DPYSL2: variants seen among roughly 807,000 people sequenced by gnomAD.
The protein encoded by DPYSL2 is dihydropyrimidinase like 2.
A neutral mutation model predicts 69.9 loss-of-function variants in DPYSL2; 13 were observed. The observed-to-expected ratio is 0.19, with a 90% CI of 0.12 to 0.30. The LOEUF (loss-of-function observed/expected upper bound fraction) is 0.30, where lower values mean the gene tolerates loss of function less well. Ranked by LOEUF, DPYSL2 falls within the 10% of genes least tolerant of loss-of-function variation. The probability of loss-of-function intolerance (pLI) is 1.00; values close to 1 mark genes in which losing one functional copy is unlikely to be tolerated. For missense variants in DPYSL2, 587 were observed against 918.9 expected, an observed-to-expected ratio of 0.64 and a Z score of 4.67; for synonymous variants, 326 against 359.1, an observed-to-expected ratio of 0.91 and a Z score of 1.04.
rs752525567 is a variant in DPYSL2, at chr8:26,627,178, G to T, written c.856-37G>T. 1.9e-6 allele frequency: 3 copies of T among 1,582,236 alleles called. No homozygotes were observed. The highest frequency in any genetic ancestry group is 1.7e-6 in the Non-Finnish European group (2 of 1,151,106). On this transcript the variant is annotated intron_variant, in intron 5 of 13. Coordinates refer to ENST00000521913, the MANE Select transcript of DPYSL2 (RefSeq NM_001197293.3). This position sits in a 1 kb window ranked among gnomAD's most constrained non-coding sequence, Gnocchi z 6.9. The stretch of plus-strand genomic sequence containing the variant: ...TGTCTTTGTGAACAGGAAGATGGAA[G>T]TCCCTGTCTCTGATCCCACCCTTGT...
At position 26,644,080 on chromosome 8, in the gene DPYSL2, G is replaced by A; in HGVS notation, c.1414G>A (p.Asp472Asn). The A allele has an allele frequency of 1.2e-6, 2 of 1,614,136 alleles. No homozygotes were observed. The highest frequency in any genetic ancestry group is 1.7e-6 in the Non-Finnish European group (2 of 1,179,990). The stretch of plus-strand genomic sequence containing the variant: ...TGAGGAGCGGATGTCCGTCATCTGG[G>A]ACAAGGCTGTGGTAAGGAGCGATGG... ...GTEERMSVIW[D>N]KAVVTGKMDE... The change falls in exon 10 of 14, where the codon GAC (aspartate) becomes AAC (asparagine). Residue 472 changes from aspartate (D) to asparagine (N), a missense_variant. Physicochemically the swap from Asp to Asn is conservative, Grantham distance 23 (BLOSUM62 1). This residue lies in a region of DPYSL2 where 452 missense variants were observed against 754.3 expected (regional missense o/e 0.60). Transcript: ENST00000521913. This position sits in a 1 kb window ranked among gnomAD's most constrained non-coding sequence, Gnocchi z 4.5.
rs1348769920 is a variant in DPYSL2 at position 26,640,232 on chromosome 8, G to A, written c.1127-3207G>A. On this transcript the variant is annotated intron_variant, in intron 8 of 13. Coordinates refer to ENST00000521913, the MANE Select transcript of DPYSL2 (RefSeq NM_001197293.3). The surrounding 1 kb of genome is among the most constrained non-coding windows in gnomAD (Gnocchi z 4.2). ...CCATTTATTCTTCATGAATGCACAC[G>A]GGCCCCAGACTGGTTGTAAATAAGC... 1.3e-5 allele frequency among the ~76,000 whole-genome samples: 2 copies of A among 152,124 alleles called. No individual in the cohort carries two copies. The highest frequency in any genetic ancestry group is 2.1e-4 in the South Asian group (1 of 4,830).
At chr8:26,572,651 T>C (rs1305791209) in intron 1 of DPYSL2, among the ~76,000 whole-genome samples, 1 of 151,990 alleles carries the variant, frequency 6.6e-6, no homozygotes, top group Non-Finnish European at 1.5e-5. Context: ...AGGCGTCCCC[T>C]ACCACGCCCA....
At position 26,585,496 on chromosome 8, in the gene DPYSL2, C is replaced by A. The variant is rs1038063509; in HGVS notation, c.628+1513C>A. On this transcript the variant is annotated intron_variant, in intron 3 of 13. Transcript: ENST00000521913. The surrounding 1 kb of genome is among the most constrained non-coding windows in gnomAD (Gnocchi z 4.0). ...GAAAAGCCTCCAAGTGTAAGCCTTGCGACTTGTGTCTTGCTGTACATGTTG... is the reference window on the plus strand; with the variant it reads ...GAAAAGCCTCCAAGTGTAAGCCTTGAGACTTGTGTCTTGCTGTACATGTTG... 8.5e-5 allele frequency among the ~76,000 whole-genome samples: 13 copies of A among 152,058 alleles called. No individual in the cohort carries two copies. The highest frequency in any genetic ancestry group is 2.7e-4 in the African/African-American group (11 of 41,404).
chr8:26,600,078 A>G (rs1563403894), intron 3 of DPYSL2, among the ~76,000 whole-genome samples: 1 of 152,256 alleles, frequency 6.6e-6, no homozygotes, highest in Non-Finnish European at 1.5e-5. Flanking sequence ...TCCAAGTTGT[A>G]ATATGTATCA....
intron 1 of DPYSL2, among the ~76,000 whole-genome samples, chr8:26,575,690 A>G (rs1801315532): frequency 6.6e-6 from 1 of 152,244 alleles, no homozygotes; most frequent in African/African-American, 2.4e-5. Flanking sequence ...ATTACAAAAC[A>G]AACGATTCTA....
intron 3 of DPYSL2, among the ~76,000 whole-genome samples, chr8:26,622,808 TGATCA>T (rs1802528934): frequency 1.3e-5 from 2 of 152,236 alleles, no homozygotes; most frequent in South Asian, 4.1e-4. Context: ...CAAGCCCAGT[TGATCA>T]GAATTTAGCA....
intron 3 of DPYSL2, among the ~76,000 whole-genome samples, chr8:26,623,420 A>G (rs1339450229): frequency 6.6e-6 from 1 of 152,184 alleles, no homozygotes; most frequent in African/African-American, 2.4e-5. Flanking sequence ...GCTAGGTAAT[A>G]TCCCCGTTTT....
Position 26,564,761 on chromosome 8 carries a change from G to T in DPYSL2, c.355-17208G>T, listed in dbSNP as rs538487059. ...GATCTGTCCCAGTTTCTTTTTAAAA[G>T]AATTTTTTTTTTAAAAAATTTCAAT... On this transcript the variant is annotated intron_variant, in intron 1 of 13. Coordinates refer to ENST00000521913, the MANE Select transcript of DPYSL2 (RefSeq NM_001197293.3). The surrounding 1 kb of genome is among the most constrained non-coding windows in gnomAD (Gnocchi z 4.8). Among the ~76,000 whole-genome samples the T allele has an allele frequency of 2.0e-5, 3 of 151,900 alleles. No homozygotes were observed. The highest frequency in any genetic ancestry group is 1.9e-4 in the East Asian group (1 of 5,188).
Position 26,626,773 on chromosome 8 carries a change from C to CCCAGGAAG in DPYSL2, c.855+96_855+97insCAGGAAGC. 7.6e-7 allele frequency: 1 copy of CCCAGGAAG among 1,310,420 alleles called. No individual in the cohort carries two copies. Among genetic ancestry groups the CCCAGGAAG allele is most frequent in the Non-Finnish European group, 1.1e-6 (1 of 924,140 alleles). The allele number at this position is 1,310,420 out of a possible 1,614,324, so 81.2% of individuals were successfully genotyped here. On this transcript the variant is annotated intron_variant, in intron 5 of 13. Coordinates refer to ENST00000521913, the MANE Select transcript of DPYSL2 (RefSeq NM_001197293.3). The surrounding 1 kb of genome is among the most constrained non-coding windows in gnomAD (Gnocchi z 4.3). Reference sequence around the variant, plus strand: ...AGCAGTCTCCGATGTATGCATGTTTCCTAGCTTCCTGGGAAGTGGCTGGTG... The same window carrying CCCAGGAAG: ...AGCAGTCTCCGATGTATGCATGTTTCCCAGGAAGCTAGCTTCCTGGGAAGTGGCTGGTG...
rs149525532 is a variant in DPYSL2 at position 26,643,492 on chromosome 8, C to A, written c.1180C>A (p.His394Asn). 88 of 1,612,742 alleles carry A rather than the reference C, an allele frequency of 5.5e-5. No homozygotes were observed. Among genetic ancestry groups the A allele is most frequent in the Non-Finnish European group, 7.3e-5 (86 of 1,179,390 alleles). The part of the protein sequence containing the change: ...ITASLGTDGS[H>N]YWSKNWAKAA... ...TGCCAGCTTGGGAACGGACGGCTCC[C>A]ATTACTGGAGCAAGAACTGGGCCAA... The change falls in exon 9 of 14, where the codon CAT becomes AAT. Residue 394 changes from histidine to asparagine, a missense_variant. This residue lies in a region of DPYSL2 where 452 missense variants were observed against 754.3 expected (regional missense o/e 0.60). Transcript: ENST00000521913. The surrounding 1 kb of genome is among the most constrained non-coding windows in gnomAD (Gnocchi z 6.5).
At chr8:26,546,541 A>G (rs1800770971) in intron 1 of DPYSL2, among the ~76,000 whole-genome samples, 1 of 152,168 alleles carries the variant, frequency 6.6e-6, no homozygotes, top group Admixed American at 6.5e-5. Flanking sequence ...ATTGTATGTA[A>G]CATAAATGTT....
chr8:26,600,871 T>G (rs1801975743), intron 3 of DPYSL2, among the ~76,000 whole-genome samples: 2 of 152,234 alleles, frequency 1.3e-5, no homozygotes, highest in African/African-American at 4.8e-5. Flanking sequence ...AAATCCTGTT[T>G]TGCTCCCTTT....
Position 26,582,125 on chromosome 8 carries a change from T to A in DPYSL2, c.443+68T>A. ...CAGACTTCCCAAGTATTAGATACCA[T>A]TCGCATCCAAAGTATCAAACTTCAG... On this transcript the variant is annotated intron_variant, in intron 2 of 13. Coordinates refer to ENST00000521913, the MANE Select transcript of DPYSL2 (RefSeq NM_001197293.3). The surrounding 1 kb of genome is among the most constrained non-coding windows in gnomAD (Gnocchi z 4.1). 1 of 1,273,776 alleles carries A rather than the reference T, an allele frequency of 7.9e-7. No homozygotes were observed. The highest frequency in any genetic ancestry group is 1.1e-6 in the Non-Finnish European group (1 of 883,246). 78.9% of individuals were successfully genotyped at this position (1,273,776 alleles called of 1,614,324 possible).
In DPYSL2 at chr8:26,564,923, C is replaced by A. The variant is rs1801125646; in HGVS notation, c.355-17046C>A. Among the ~76,000 whole-genome samples, 1 of 151,950 alleles carries A rather than the reference C, an allele frequency of 6.6e-6. No homozygotes were observed. Among genetic ancestry groups the A allele is most frequent in the Admixed American group, 6.6e-5 (1 of 15,260 alleles). On this transcript the variant is annotated intron_variant, in intron 1 of 13. Transcript: ENST00000521913. This position sits in a 1 kb window ranked among gnomAD's most constrained non-coding sequence, Gnocchi z 4.8. ...GTTTTTTTTTATGCCTAGCCCCATT[C>A]CCACCCTCCTTCTTCTGAGTCTCCA...
intron 3 of DPYSL2, among the ~76,000 whole-genome samples, chr8:26,606,128 G>A (rs1207107870): frequency 6.6e-6 from 1 of 152,124 alleles, no homozygotes; most frequent in East Asian, 1.9e-4. Flanking sequence ...GGTTAAAGTA[G>A]AAAATCTGCA....
chr8:26,657,188 C>T lies in DPYSL2; in HGVS notation c.*1482C>T, dbSNP rs964390440. 9.2e-5 allele frequency: 14 copies of T among 152,454 alleles called. No homozygotes were observed. Among genetic ancestry groups the T allele is most frequent in the African/African-American group, 2.9e-4 (12 of 41,432 alleles). The allele number at this position is 152,454 out of a possible 1,614,324, so 9.4% of individuals were successfully genotyped here. A position where few individuals can be genotyped will look rare whatever the true frequency, so the allele number is the denominator to read the frequency against. Reference sequence around the variant, plus strand: ...CAAGAGGAGAAATGTGTTTTATGAACGATAGATCACATCAGAACTCCTGTG... The same window carrying T: ...CAAGAGGAGAAATGTGTTTTATGAATGATAGATCACATCAGAACTCCTGTG... On this transcript the variant is annotated 3_prime_UTR_variant, in exon 14 of 14. Transcript: ENST00000521913.
At chr8:26,594,150 T>A (rs2129784945) in intron 3 of DPYSL2, among the ~76,000 whole-genome samples, 1 of 152,336 alleles carries the variant, frequency 6.6e-6, no homozygotes, top group African/African-American at 2.4e-5. Flanking sequence ...AATGTGTTTC[T>A]AGATGGCTAT....
chr8:26,616,045 A>C (rs1403438549), intron 3 of DPYSL2, among the ~76,000 whole-genome samples: 1 of 152,188 alleles, frequency 6.6e-6, no homozygotes. Flanking sequence ...CGTTTACAAC[A>C]CCCTGGAACC....
Sources: gnomAD v4.1 joint callset for allele counts (sites outside exome capture counted in the v4.1 genomes callset) on GRCh38, gnomAD v4.1.1 for gene constraint, gnomAD v4.1.1 regional missense constraint, Gnocchi (gnomAD v3.1) non-coding constraint, MANE v1.5 for transcripts, NCBI Gene and HGNC (gene_info 2026-07-23, HGNC 2026-07-21) for gene names.